Variants in NFATC2 observed in about 807,000 individuals in gnomAD.
NFATC2 encodes nuclear factor of activated T cells 2.
NFATC2 carries 22 observed loss-of-function variants against 87.3 expected under a neutral mutation model. The ratio of observed to expected loss-of-function variants is 0.25; its 90% confidence interval spans 0.18 to 0.36. The LOEUF is 0.36. Ranked by LOEUF, NFATC2 falls within the 10% of genes least tolerant of loss-of-function variation. The pLI, the probability that NFATC2 is intolerant of heterozygous loss-of-function variation, is 1.00. For synonymous variants in NFATC2, 565 were observed against 542.2 expected, an observed-to-expected ratio of 1.04 and a Z score of -0.58; for missense variants, 1,149 against 1,259.1, an observed-to-expected ratio of 0.91 and a Z score of 1.32.
At position 51,398,718 on chromosome 20, in the gene NFATC2, G is replaced by A. The variant is rs1219916149; in HGVS notation, c.2735C>T (p.Thr912Ile). 6.2e-7 allele frequency: 1 copy of A among 1,610,970 alleles called. No homozygotes were observed. Among genetic ancestry groups the A allele is most frequent in the Non-Finnish European group, 8.5e-7 (1 of 1,177,896 alleles). The change falls in exon 10 of 11, where the codon ACA becomes ATA. Residue 912 changes from threonine (T) to isoleucine (I), a missense_variant. Thr to Ile is a moderately conservative substitution (Grantham distance 89). Transcript: ENST00000371564. ...TATGTTTTGTATCCAGCTAAGGTGTGTGTCTATCAGCTCTGAAAAAGATTT... is the reference window on the plus strand; with the variant it reads ...TATGTTTTGTATCCAGCTAAGGTGTATGTCTATCAGCTCTGAAAAAGATTT... ...QTYLDDELID[T>I]HLSWIQNIL
At chr20:51,395,965 T>C (rs534498027) in intron 10 of NFATC2, among the ~76,000 whole-genome samples, 60 of 149,268 alleles carry the variant, frequency 4.0e-4, no homozygotes, top group African/African-American at 1.4e-3. Flanking sequence ...TGTGTTCCAA[T>C]AAAACTTCAT....
rs2076507765 is a variant in NFATC2 at position 51,524,316 on chromosome 20, C to T, written c.131-206G>A. ...GGTCCCTGGAGAAGACAGGTCGAAG[C>T]AGAATGAGTTCTGGAAGACCCCTGG... On this transcript the variant is annotated intron_variant, in intron 1 of 10. Coordinates refer to ENST00000371564, the MANE Select transcript of NFATC2 (RefSeq NM_012340.5). The surrounding 1 kb of genome is among the most constrained non-coding windows in gnomAD (Gnocchi z 4.0). 6.6e-6 allele frequency among the ~76,000 whole-genome samples: 1 copy of T among 152,182 alleles called. No homozygotes were observed. The highest frequency in any genetic ancestry group is 1.5e-5 in the Non-Finnish European group (1 of 68,018).
intron 5 of NFATC2, among the ~76,000 whole-genome samples, chr20:51,465,401 T>G (rs142143807): frequency 7.2e-5 from 11 of 152,054 alleles, no homozygotes; most frequent in African/African-American, 2.7e-4. Context: ...TATATAGAAA[T>G]CACATCATGT....
chr20:51,514,219 C>A (rs746140575), intron 3 of NFATC2, among the ~76,000 whole-genome samples: 6 of 152,198 alleles, frequency 3.9e-5, no homozygotes, highest in Non-Finnish European at 8.8e-5. Flanking sequence ...GAATCAAGCA[C>A]CATGCCTGGT....
intron 5 of NFATC2, among the ~76,000 whole-genome samples, chr20:51,462,371 G>A (rs563860946): frequency 0.024 from 3,654 of 152,054 alleles, 59 homozygotes; most frequent in African/African-American, 0.028. Flanking sequence ...GCTTGAACCC[G>A]GTAGGCAGAA....
intron 2 of NFATC2, among the ~76,000 whole-genome samples, chr20:51,517,912 C>CA (rs71192528): frequency 0.62 from 86,112 of 138,708 alleles, 26,684 homozygotes; most frequent in Non-Finnish European, 0.69. Flanking sequence ...GAGACTGTCT[C>CA]AAAAAAAAAA....
intron 6 of NFATC2, among the ~76,000 whole-genome samples, chr20:51,448,346 G>C (rs1600753628): frequency 6.6e-6 from 1 of 152,306 alleles, no homozygotes; most frequent in East Asian, 1.9e-4. Context: ...GGCTTGAAAA[G>C]AAATGGTGGA....
chr20:51,435,637 G>C, intron 7 of NFATC2, 69 bp downstream of exon 7: 1 of 1,506,788 alleles, frequency 6.6e-7, no homozygotes. Flanking sequence ...AGGAGGGAAA[G>C]AAGGAAAGAG....
chr20:51,394,402 CTCCTCTTGTCTCACCT>C (rs1986755950), intron 10 of NFATC2, among the ~76,000 whole-genome samples: 1 of 144,222 alleles, frequency 6.9e-6, no homozygotes, highest in South Asian at 2.2e-4. Context: ...GCACTGTTCC[CTCCTCTTGTCTCACCT>C]TCCTCACGCT....
rs1600664543 is a variant in NFATC2 at position 51,403,047 on chromosome 20, T to TC, written c.2723-4318dup. 2.6e-5 allele frequency among the ~76,000 whole-genome samples: 4 copies of TC among 151,716 alleles called. No individual in the cohort carries two copies. The South Asian group carries it at 6.3e-4, about 24-fold the overall frequency. On this transcript the variant is annotated intron_variant, in intron 9 of 10. Coordinates refer to ENST00000371564, the MANE Select transcript of NFATC2 (RefSeq NM_012340.5). Reference sequence around the variant, plus strand: ...GCACAGGCCCAACATGGGACACACCTCCCCCCAACACATCCACATTCTCCC... The same window carrying TC: ...GCACAGGCCCAACATGGGACACACCTCCCCCCCAACACATCCACATTCTCCC...
At chr20:51,476,645 A>C (rs1198559550) in intron 3 of NFATC2, among the ~76,000 whole-genome samples, 1 of 152,224 alleles carries the variant, frequency 6.6e-6, no homozygotes, top group East Asian at 1.9e-4. Context: ...ATGTTTGTCT[A>C]GTTAATTTGC....
At chr20:51,449,579 C>G (rs1184427091) in intron 6 of NFATC2, among the ~76,000 whole-genome samples, 1 of 152,168 alleles carries the variant, frequency 6.6e-6, no homozygotes, top group African/African-American at 2.4e-5. Flanking sequence ...TCTATCGCCA[C>G]AAAATGGGTA....
intron 1 of NFATC2, among the ~76,000 whole-genome samples, chr20:51,533,145 C>T (rs1224801167): frequency 6.6e-6 from 1 of 152,242 alleles, no homozygotes; most frequent in Non-Finnish European, 1.5e-5. Flanking sequence ...AGGCAAACCT[C>T]GCCTCCTGCC....
intron 5 of NFATC2, among the ~76,000 whole-genome samples, chr20:51,458,828 C>A (rs529071222): frequency 6.6e-6 from 1 of 152,062 alleles, no homozygotes; most frequent in South Asian, 2.1e-4. Flanking sequence ...AAAAAAAAAT[C>A]TTCAAATGAT....
chr20:51,469,275 T>C lies in NFATC2; in HGVS notation c.1708+4705A>G, dbSNP rs73615394. On this transcript the variant is annotated intron_variant, in intron 5 of 10. Transcript: ENST00000371564. ...CAAGCGATCGTCCGGCCTTAGCCTC[T>C]CAAAGCACTGAGATTATAGACGTGA... Among the ~76,000 whole-genome samples, 1,674 of 152,266 alleles carry C rather than the reference T, an allele frequency of 0.011. 80 individuals are homozygous for C. In the East Asian group the frequency reaches 0.16, roughly 15 times the overall value.
At chr20:51,415,889 A>T (rs1428298700) in intron 9 of NFATC2, among the ~76,000 whole-genome samples, 1 of 152,194 alleles carries the variant, frequency 6.6e-6, no homozygotes, top group Non-Finnish European at 1.5e-5. Flanking sequence ...GGTCTGGAAC[A>T]ATCCTGCACC....
chr20:51,401,530 A>T (rs1988045277), intron 9 of NFATC2, among the ~76,000 whole-genome samples: 1 of 152,168 alleles, frequency 6.6e-6, no homozygotes, highest in Non-Finnish European at 1.5e-5. Context: ...ATCCACGTGA[A>T]TGTGCTGGTC....
chr20:51,475,981 G>A (rs1988674669), intron 3 of NFATC2, among the ~76,000 whole-genome samples: 1 of 152,096 alleles, frequency 6.6e-6, no homozygotes, highest in African/African-American at 2.4e-5. Context: ...TAGTAGTGAG[G>A]ATAACTGAAA....
chr20:51,527,756 C>T (rs183666582), intron 1 of NFATC2, among the ~76,000 whole-genome samples: 1 of 152,236 alleles, frequency 6.6e-6, no homozygotes, highest in Admixed American at 6.5e-5. Context: ...TCCAAACACA[C>T]GTGCCCCCGG....
Sources: allele counts gnomAD v4.1 joint callset (sites outside exome capture counted in the v4.1 genomes callset), GRCh38; gene constraint gnomAD v4.1.1; non-coding constraint Gnocchi (gnomAD v3.1); transcripts MANE v1.5; gene names NCBI Gene and HGNC (gene_info 2026-07-23, HGNC 2026-07-21).